Variants in PRELID1 observed in about 807,000 individuals in gnomAD.
PRELID1 encodes PRELI domain-containing protein 1, mitochondrial.
Under a neutral mutation model 29.0 loss-of-function variants are expected in PRELID1, and 15 were observed. The ratio of observed to expected loss-of-function variants is 0.52; its 90% CI spans 0.35 to 0.80. The LOEUF is 0.80. Ranked by LOEUF, PRELID1 falls within the 30% of genes least tolerant of loss-of-function variation. The pLI is 0.01. For missense variants in PRELID1, 187 were observed against 275.9 expected (o/e 0.68, Z 2.28); for synonymous variants, 79 against 106.5 (o/e 0.74, Z 1.59).
chr5:177,306,875 G>A lies in PRELID1; in HGVS notation c.*305G>A, dbSNP rs1760892946. Reference sequence around the variant, plus strand: ...AGACTGTAAGCCCGACAAGGGCAGGGCTTTTGGTTTTGTTCTCTGATGTGT... The same window carrying A: ...AGACTGTAAGCCCGACAAGGGCAGGACTTTTGGTTTTGTTCTCTGATGTGT... On this transcript the variant is annotated 3_prime_UTR_variant, in exon 5 of 5. Coordinates refer to ENST00000303204, the MANE Select transcript of PRELID1 (RefSeq NM_013237.4). 1.4e-6 allele frequency: 1 copy of A among 728,842 alleles called. No individual in the cohort carries two copies. The highest frequency in any genetic ancestry group is 3.0e-5 in the Admixed American group (1 of 33,556). The allele number at this position is 728,842 out of a possible 1,614,324, so 45.1% of individuals were successfully genotyped here.
chr5:177,305,886 T>G lies in PRELID1; in HGVS notation c.334T>G (p.Cys112Gly), dbSNP rs887178898. The G allele has an allele frequency of 6.2e-7, 1 of 1,613,834 alleles. No homozygotes were observed. The highest frequency in any genetic ancestry group is 8.5e-7 in the Non-Finnish European group (1 of 1,180,020). ...HARLMVVEER[C>G]VYCVNSDNSG... ...CTCTGCATAGGTGGTGGAGGAACGA[T>G]GTGTTTACTGTGTGAACTCTGACAA... Residue 112 changes from cysteine (C) to glycine (G), a missense_variant, in exon 3 of 5, where the codon TGT (cysteine) becomes GGT (glycine). Physicochemically the swap from Cys to Gly is radical, Grantham distance 159 (BLOSUM62 -3). Coordinates refer to ENST00000303204, the MANE Select transcript of PRELID1 (RefSeq NM_013237.4).
At chr5:177,304,098 C>A in intron 1 of PRELID1, 21 bp downstream of exon 1, 1 of 1,600,526 alleles carries the variant, frequency 6.2e-7, no homozygotes, top group Non-Finnish European at 8.5e-7. Flanking sequence ...TTTGGAAGAG[C>A]AAAACCGCGC....
At chr5:177,306,298 G>T in intron 4 of PRELID1, 122 bp downstream of exon 4, 1 of 1,566,506 alleles carries the variant, frequency 6.4e-7, no homozygotes, top group Non-Finnish European at 8.8e-7. Flanking sequence ...ACTGGGGGTG[G>T]GAGGAGGGTG....
At position 177,306,145 on chromosome 5, in the gene PRELID1, G is replaced by A. The variant is rs1170257694; in HGVS notation, c.480G>A (p.Lys160=). The A allele has an allele frequency of 6.2e-6, 10 of 1,613,814 alleles. No individual in the cohort carries two copies. Among genetic ancestry groups the A allele is most frequent in the African/African-American group, 2.7e-5 (2 of 74,908 alleles). ...AAAGCAACGTGACCAAGACTATGAAGGGTTTTGAATATATCTTGGCTAAGC... is the reference window on the plus strand; with the variant it reads ...AAAGCAACGTGACCAAGACTATGAAAGGTTTTGAATATATCTTGGCTAAGC... ...RFKSNVTKTM[K]GFEYILAKLQ... Residue 160 remains lysine (K), a synonymous_variant, in exon 4 of 5, where the codon AAG becomes AAA. Transcript: ENST00000303204.
chr5:177,304,255 G>A, intron 1 of PRELID1, 178 bp downstream of exon 1: 3 of 637,108 alleles, frequency 4.7e-6, no homozygotes, highest in Non-Finnish European at 8.2e-6. Flanking sequence ...CCTGGGTGGT[G>A]GTTTACTTGA....
chr5:177,305,868 T>C lies in PRELID1; in HGVS notation c.319-3T>C, dbSNP rs760084489. The stretch of plus-strand genomic sequence containing the variant: ...TCCACGATTGTGGTTGGCCTCTGCA[T>C]AGGTGGTGGAGGAACGATGTGTTTA... On this transcript the variant is annotated splice_region_variant and splice_polypyrimidine_tract_variant and intron_variant, in intron 2 of 4. Coordinates refer to ENST00000303204, the MANE Select transcript of PRELID1 (RefSeq NM_013237.4). The C allele has an allele frequency of 4.3e-6, 7 of 1,612,956 alleles. No individual in the cohort carries two copies. The East Asian group carries it at 1.6e-4, about 36-fold the overall frequency.
intron 2 of PRELID1, 23 bp from the exon 3 acceptor site, chr5:177,305,848 G>T: frequency 3.1e-6 from 5 of 1,598,404 alleles, no homozygotes; most frequent in Non-Finnish European, 4.3e-6. Flanking sequence ...ACTGTTCCAC[G>T]ATTGTGGTTG....
chr5:177,304,647 A>G lies in PRELID1; in HGVS notation c.115A>G (p.Ile39Val), dbSNP rs147067833. Residue 39 changes from isoleucine (I) to valine (V), a missense_variant, in exon 2 of 5, where the codon ATA becomes GTA. Physicochemically the swap from Ile to Val is conservative, Grantham distance 29. Coordinates refer to ENST00000303204, the MANE Select transcript of PRELID1 (RefSeq NM_013237.4). ...CAGCAAACATGTCTTGACGGAAGAC[A>G]TAGTACACCGGGAGGTGACCCCTGA... ...PYSKHVLTED[I>V]VHREVTPDQK... 1.9e-6 allele frequency: 3 copies of G among 1,613,740 alleles called. No individual in the cohort carries two copies. The South Asian group carries it at 3.3e-5, about 18-fold the overall frequency.
At chr5:177,304,383 G>C in intron 1 of PRELID1, 1 of 620,732 alleles carries the variant, frequency 1.6e-6, no homozygotes, top group Non-Finnish European at 2.9e-6. Flanking sequence ...GCTTTCCTGG[G>C]GTGCAATAAA....
At chr5:177,304,463 T>C (rs1760801724) in intron 1 of PRELID1, 162 bp from the exon 2 acceptor site, 2 of 726,086 alleles carry the variant, frequency 2.8e-6, no homozygotes, top group Non-Finnish European at 2.4e-6. Context: ...GAATTTGCCC[T>C]GGGATGGGCC....
intron 2 of PRELID1, chr5:177,305,588 A>G (rs1267108038): frequency 2.3e-6 from 1 of 441,828 alleles, no homozygotes; most frequent in South Asian, 2.3e-5. Context: ...GTCTAGATGC[A>G]CAAAACAAAA....
chr5:177,306,277 T>C, intron 4 of PRELID1, 101 bp downstream of exon 4: 1 of 1,557,530 alleles, frequency 6.4e-7, no homozygotes, highest in Non-Finnish European at 8.8e-7. Flanking sequence ...GAGCTGGGAC[T>C]CCTTGTCTGT....
chr5:177,306,231 C>A lies in PRELID1; in HGVS notation c.511+55C>A, dbSNP rs753970231. On this transcript the variant is annotated intron_variant, in intron 4 of 4. Coordinates refer to ENST00000303204, the MANE Select transcript of PRELID1 (RefSeq NM_013237.4). ...ATAGGGAGAGGCTCATTCAGCCTAGCGGGCGTGGAGTCTGGGTTAGTCATT... is the reference window on the plus strand; with the variant it reads ...ATAGGGAGAGGCTCATTCAGCCTAGAGGGCGTGGAGTCTGGGTTAGTCATT... 14 of 1,583,756 alleles carry A rather than the reference C, an allele frequency of 8.8e-6. No homozygotes were observed. In the African/African-American group the frequency reaches 1.2e-4, roughly 14 times the overall value.
rs144303874 is a variant in PRELID1, at chr5:177,305,639, AAGAG to A, written c.319-226_319-223del. On this transcript the variant is annotated intron_variant, in intron 2 of 4. Transcript: ENST00000303204. ...GGCTGGAAGGCCCTTTGTTGATCTC[AAGAG>A]AGAGACCTTTTGCCTTCTAGTTTAA... is the stretch of plus-strand genomic sequence containing the variant. 4.5e-3 allele frequency: 2,471 copies of A among 547,664 alleles called. 26 individuals carry two copies. The highest frequency in any genetic ancestry group is 0.026 in the African/African-American group (1,351 of 52,864). The allele number at this position is 547,664 out of a possible 1,614,324, so 33.9% of individuals were successfully genotyped here.
chr5:177,306,798 G>GTGACT lies in PRELID1; in HGVS notation c.*231_*235dup, dbSNP rs775179133. 66 of 819,836 alleles carry GTGACT rather than the reference G, an allele frequency of 8.1e-5. No homozygotes were observed. Among genetic ancestry groups the GTGACT allele is most frequent in the Non-Finnish European group, 1.0e-4 (55 of 537,360 alleles). 50.8% of individuals were successfully genotyped at this position (819,836 alleles called of 1,614,324 possible). A position where few individuals can be genotyped will look rare whatever the true frequency, so the allele number is the denominator to read the frequency against. On this transcript the variant is annotated 3_prime_UTR_variant, in exon 5 of 5. Transcript: ENST00000303204. ...CTGAGGACCGAGGCACAGAGGTGCG[G>GTGACT]TGACTTGCCCGGGGCTCCAGGTAGC... is the stretch of plus-strand genomic sequence containing the variant.
intron 1 of PRELID1, 41 bp from the exon 2 acceptor site, chr5:177,304,584 G>T (rs1218607904): frequency 6.5e-7 from 1 of 1,546,172 alleles, no homozygotes; most frequent in Non-Finnish European, 8.9e-7. Context: ...AGTCTCTTAG[G>T]GGCAAGCTTC....
intron 2 of PRELID1, 170 bp from the exon 3 acceptor site, chr5:177,305,701 A>G: frequency 1.6e-6 from 1 of 623,324 alleles, no homozygotes; most frequent in Non-Finnish European, 2.8e-6. Flanking sequence ...GAGCAAAACG[A>G]CCTTATTTAT....
In PRELID1 at chr5:177,306,866, A is replaced by T. The variant is rs1302381113; in HGVS notation, c.*296A>T. 1.4e-6 allele frequency: 1 copy of T among 724,518 alleles called. No homozygotes were observed. The highest frequency in any genetic ancestry group is 2.2e-6 in the Non-Finnish European group (1 of 454,272). 44.9% of individuals were successfully genotyped at this position (724,518 alleles called of 1,614,324 possible). Reference sequence around the variant, plus strand: ...GTAAGTGCTAGACTGTAAGCCCGACAAGGGCAGGGCTTTTGGTTTTGTTCT... The same window carrying T: ...GTAAGTGCTAGACTGTAAGCCCGACTAGGGCAGGGCTTTTGGTTTTGTTCT... On this transcript the variant is annotated 3_prime_UTR_variant, in exon 5 of 5. Coordinates refer to ENST00000303204, the MANE Select transcript of PRELID1 (RefSeq NM_013237.4).
intron 2 of PRELID1, 32 bp downstream of exon 2, chr5:177,304,882 C>T (rs1760815870): frequency 6.6e-7 from 1 of 1,520,078 alleles, no homozygotes; most frequent in Non-Finnish European, 9.0e-7. Flanking sequence ...TTCTGCACCT[C>T]CCCCTCTCCC....
Sources: allele counts gnomAD v4.1 joint callset, GRCh38; gene constraint gnomAD v4.1.1; transcripts MANE v1.5; gene names NCBI Gene and HGNC (gene_info 2026-07-23, HGNC 2026-07-21).